Variants in ZNF248 observed in about 807,000 individuals in gnomAD.
ZNF248 encodes zinc finger protein 248, also known as KRAB protein domain.
ZNF248 carries 20 observed loss-of-function variants against 44.3 expected under a neutral mutation model. That is an observed-to-expected ratio of 0.45 (90% CI 0.32 to 0.66). The LOEUF is 0.66. Ranked by LOEUF, ZNF248 falls within the 30% of genes least tolerant of loss-of-function variation. The pLI, the probability that ZNF248 is intolerant of heterozygous loss-of-function variation, is 0.04. For synonymous variants in ZNF248, 224 were observed against 229.0 expected, an observed-to-expected ratio of 0.98 and a Z score of 0.20; for missense variants, 654 against 677.0, an observed-to-expected ratio of 0.97 and a Z score of 0.38.
chr10:37,797,915 T>C (rs573208464), intron 6 of ZNF248, among the ~76,000 whole-genome samples: 51 of 152,252 alleles, frequency 3.3e-4, no homozygotes, highest in Non-Finnish European at 6.8e-4. Flanking sequence ...CTCAAAAAGT[T>C]AAATTTGAGA....
chr10:37,831,346 T>C lies in ZNF248; in HGVS notation c.*269A>G. The stretch of plus-strand genomic sequence containing the variant: ...ATGGGTATAAATAAATATTGTCCAT[T>C]ATATTTGCAACAAAATTTTGGTATC... On this transcript the variant is annotated 3_prime_UTR_variant, in exon 6 of 6. Transcript: ENST00000395867. 1 of 1,547,522 alleles carries C rather than the reference T, an allele frequency of 6.5e-7. No individual in the cohort carries two copies. The highest frequency in any genetic ancestry group is 1.7e-4 in the Middle Eastern group (1 of 5,946).
intron 6 of ZNF248, among the ~76,000 whole-genome samples, chr10:37,777,390 G>A (rs970388688): frequency 7.2e-5 from 11 of 152,064 alleles, no homozygotes; most frequent in Non-Finnish European, 1.0e-4. Context: ...ATAAACACCC[G>A]TAGCTTCCTT....
chr10:37,815,169 C>A (rs141874894), intron 6 of ZNF248, among the ~76,000 whole-genome samples: 1 of 151,950 alleles, frequency 6.6e-6, no homozygotes, highest in Non-Finnish European at 1.5e-5. Context: ...TGGGTTCAAG[C>A]GATTCTCCTG....
downstream of ZNF248, among the ~76,000 whole-genome samples, chr10:37,771,786 A>T (rs773023488): frequency 2.4e-4 from 37 of 152,298 alleles, no homozygotes; most frequent in African/African-American, 7.7e-4. Flanking sequence ...ATAATAAAAT[A>T]AAATTAAAAA....
rs910381389 is a variant in ZNF248, at chr10:37,830,645, T to C, written c.*970A>G. 2.0e-6 allele frequency: 2 copies of C among 977,112 alleles called. No individual in the cohort carries two copies. Among genetic ancestry groups the C allele is most frequent in the Admixed American group, 1.2e-4 (2 of 16,250 alleles). The allele number at this position is 977,112 out of a possible 1,614,324, so 60.5% of individuals were successfully genotyped here. On this transcript the variant is annotated 3_prime_UTR_variant, in exon 6 of 6. Coordinates refer to ENST00000395867, the MANE Select transcript of ZNF248 (RefSeq NM_021045.3). ...GCTGTAAATATTTGACAGCAGGTTCTCTGAGAAAATTAAAACCCTGATTTA... is the reference window on the plus strand; with the variant it reads ...GCTGTAAATATTTGACAGCAGGTTCCCTGAGAAAATTAAAACCCTGATTTA...
At chr10:37,779,361 T>C (rs2047001682) in intron 6 of ZNF248, among the ~76,000 whole-genome samples, 1 of 152,138 alleles carries the variant, frequency 6.6e-6, no homozygotes, top group Non-Finnish European at 1.5e-5. Flanking sequence ...TGGTTCAATA[T>C]ACACAAATCA....
At chr10:37,821,025 G>T in intron 6 of ZNF248, 1 of 1,205,276 alleles carries the variant, frequency 8.3e-7, no homozygotes, top group East Asian at 2.4e-5. Context: ...GGTGCTCTGG[G>T]ATCCCAAAGA....
chr10:37,770,260 T>A, the ZNF248 span, among the ~76,000 whole-genome samples: 1 of 152,112 alleles, frequency 6.6e-6, no homozygotes, highest in African/African-American at 2.4e-5. Context: ...CTTCACAGAA[T>A]TGGAAAAAAC....
At position 37,837,675 on chromosome 10, in the gene ZNF248, G is replaced by A. The variant is rs1320031869; in HGVS notation, c.180C>T (p.Ile60=). The change falls in exon 5 of 6, where the codon ATC becomes ATT. Residue 60 remains isoleucine (I), a synonymous_variant. Transcript: ENST00000395867. ...ATATCCAGGGCTCTTCTCCTTGCTCGATCTTAAAGATCACTTCTGGTTTAG... is the reference window on the plus strand; with the variant it reads ...ATATCCAGGGCTCTTCTCCTTGCTCAATCTTAAAGATCACTTCTGGTTTAG... ...CITKPEVIFK[I]EQGEEPWILE... The A allele has an allele frequency of 5.0e-6, 8 of 1,614,006 alleles. No individual in the cohort carries two copies. Among genetic ancestry groups the A allele is most frequent in the East Asian group, 2.2e-5 (1 of 44,868 alleles).
chr10:37,808,184 GTA>G (rs2050881435), intron 6 of ZNF248, among the ~76,000 whole-genome samples: 2 of 151,104 alleles, frequency 1.3e-5, no homozygotes, highest in Non-Finnish European at 2.9e-5. Flanking sequence ...AGTCATCCTT[GTA>G]TTACAGAAAT....
intron 6 of ZNF248, among the ~76,000 whole-genome samples, chr10:37,802,456 A>T (rs1311235920): frequency 1.3e-5 from 2 of 152,198 alleles, no homozygotes; most frequent in Non-Finnish European, 2.9e-5. Flanking sequence ...AAAAGTTTAG[A>T]CATGCAATTT....
At chr10:37,813,386 T>C (rs2051874908) in intron 6 of ZNF248, among the ~76,000 whole-genome samples, 1 of 152,174 alleles carries the variant, frequency 6.6e-6, no homozygotes, top group Admixed American at 6.5e-5. Context: ...ACAGAAATTA[T>C]GATGTAGTTC....
intron 5 of ZNF248, among the ~76,000 whole-genome samples, chr10:37,833,537 G>A (rs999053345): frequency 1.3e-5 from 2 of 152,108 alleles, no homozygotes; most frequent in Admixed American, 1.3e-4. Flanking sequence ...CATTAGGTTT[G>A]GTGGAGACAA....
intron 5 of ZNF248, among the ~76,000 whole-genome samples, chr10:37,836,557 C>T (rs892769421): frequency 6.6e-5 from 10 of 152,142 alleles, no homozygotes; most frequent in African/African-American, 2.4e-4. Flanking sequence ...ACATAGCTCA[C>T]ACTTTCATAT....
At chr10:37,836,441 C>T (rs2057191197) in intron 5 of ZNF248, among the ~76,000 whole-genome samples, 1 of 152,138 alleles carries the variant, frequency 6.6e-6, no homozygotes, top group African/African-American at 2.4e-5. Flanking sequence ...TGCCCGCTAG[C>T]TTCCAACCAC....
chr10:37,809,850 CCTTTT>C (rs771816088), intron 6 of ZNF248, among the ~76,000 whole-genome samples: 3 of 150,830 alleles, frequency 2.0e-5, no homozygotes, highest in Non-Finnish European at 2.9e-5. Flanking sequence ...TTCCAGTTTT[CCTTTT>C]ATTATTATTT....
chr10:37,821,019 C>T (rs1407006211), intron 6 of ZNF248: 74 of 1,277,184 alleles, frequency 5.8e-5, no homozygotes, highest in Non-Finnish European at 2.3e-6. Context: ...ACTAAAGGTG[C>T]TCTGGGATCC....
chr10:37,832,368 CACTT>C lies in ZNF248; in HGVS notation c.983_986del (p.Lys328ArgfsTer12), dbSNP rs779576084. 1 of 1,614,060 alleles carries C rather than the reference CACTT, an allele frequency of 6.2e-7. No homozygotes were observed. The highest frequency in any genetic ancestry group is 8.5e-7 in the Non-Finnish European group (1 of 1,179,950). ...CTGACTTTTCCCAGGTTTTGTCACT[CACTT>C]TATATTCACGGAGAATCTTTCTTGT... On this transcript the variant is annotated frameshift_variant, in exon 6 of 6. Transcript: ENST00000395867. LOFTEE classifies it high-confidence loss of function.
chr10:37,773,013 G>A (rs1390144860), downstream of ZNF248, among the ~76,000 whole-genome samples: 8 of 152,266 alleles, frequency 5.3e-5, no homozygotes, highest in Admixed American at 2.6e-4. Context: ...GGGGGAGGCC[G>A]AGGCCTGTGG....
Sources: allele counts gnomAD v4.1 joint callset (sites outside exome capture counted in the v4.1 genomes callset), GRCh38; gene constraint gnomAD v4.1.1; transcripts MANE v1.5; gene names NCBI Gene and HGNC (gene_info 2026-07-23, HGNC 2026-07-21).